The following ADCY10 variants were observed in gnomAD, a reference collection of about 807,000 sequenced individuals.
ADCY10 encodes adenylate cyclase type 10.
ADCY10 carries 156 observed loss-of-function variants against 183.3 expected under a neutral mutation model. The observed-to-expected ratio is 0.85, with a 90% CI of 0.75 to 0.97. The LOEUF (loss-of-function observed/expected upper bound fraction) is 0.97, where lower values mean the gene tolerates loss of function less well. ADCY10 is among the 50% of genes least tolerant of loss of function. ADCY10 has a pLI of 0.00. For synonymous variants in ADCY10, 645 were observed against 670.0 expected, an observed-to-expected ratio of 0.96 and a Z score of 0.58; for missense variants, 1,745 against 1,934.3, an observed-to-expected ratio of 0.90 and a Z score of 1.84.
In ADCY10 at chr1:167,823,078, A is replaced by C; in HGVS notation, c.4098T>G (p.Ser1366=). ...TGCTGAAGATGTGTTCCTGTGTTAC[A>C]GAAAGCTCCCACAGCCGCCCCAGCA... ...IQVLGRLWEL[S]VTQEHIFSKA... is the part of the protein sequence containing the mutation. The change falls in exon 29 of 33, where the codon TCT becomes TCG. Residue 1366 remains serine (S), a synonymous_variant. Coordinates refer to ENST00000367851, the MANE Select transcript of ADCY10 (RefSeq NM_018417.6). 6.2e-7 allele frequency: 1 copy of C among 1,614,222 alleles called. No homozygotes were observed. The highest frequency in any genetic ancestry group is 8.5e-7 in the Non-Finnish European group (1 of 1,180,050).
chr1:167,848,561 T>G, intron 18 of ADCY10, 72 bp from the exon 19 acceptor site: 1 of 1,562,068 alleles, frequency 6.4e-7, no homozygotes, highest in Non-Finnish European at 8.8e-7. Flanking sequence ...TCCAATGAAC[T>G]TTGAGATGGA....
rs199553071 is a variant in ADCY10 at position 167,856,324 on chromosome 1, G to A, written c.2012C>T (p.Ser671Phe). ...GGGAATGTTAACGAAGGGACACAGG[G>A]ACATAATGATGAAGATAGGAAGAGT... The part of the protein sequence containing the change: ...IRTLPIFIIM[S>F]LCPFVNIPCA... Residue 671 changes from serine (S) to phenylalanine (F), a missense_variant, in exon 17 of 33, where the codon TCC becomes TTC. Coordinates refer to ENST00000367851, the MANE Select transcript of ADCY10 (RefSeq NM_018417.6). 1.2e-6 allele frequency: 2 copies of A among 1,614,136 alleles called. No individual in the cohort carries two copies. The highest frequency in any genetic ancestry group is 2.2e-5 in the East Asian group (1 of 44,884).
At chr1:167,866,244 G>C (rs1490624888) in intron 14 of ADCY10, among the ~76,000 whole-genome samples, 4 of 152,172 alleles carry the variant, frequency 2.6e-5, no homozygotes, top group Non-Finnish European at 5.9e-5. Context: ...GGAAAAATAA[G>C]ACATCGTAAA....
intron 30 of ADCY10, 93 bp from the exon 31 acceptor site, chr1:167,818,360 T>C (rs1288734129): frequency 1.1e-5 from 13 of 1,148,054 alleles, no homozygotes; most frequent in Non-Finnish European, 1.6e-5. Flanking sequence ...CAGCTTCCTT[T>C]ACCTGGGTCT....
chr1:167,847,190 G>C (rs556961299), intron 19 of ADCY10, among the ~76,000 whole-genome samples: 1 of 151,860 alleles, frequency 6.6e-6, no homozygotes, highest in African/African-American at 2.4e-5. Flanking sequence ...GCCTCCCAAA[G>C]TGCTGGGATT....
intron 1 of ADCY10, among the ~76,000 whole-genome samples, chr1:167,905,564 T>A: frequency 6.6e-6 from 1 of 151,604 alleles, no homozygotes. Context: ...CCTTTTACCC[T>A]CTCTCTACCT....
Position 167,824,873 on chromosome 1 carries a change from A to G in ADCY10, c.3751-18T>C, listed in dbSNP as rs759705138. 6.2e-7 allele frequency: 1 copy of G among 1,609,626 alleles called. No homozygotes were observed. Among genetic ancestry groups the G allele is most frequent in the Admixed American group, 1.7e-5 (1 of 60,020 alleles). On this transcript the variant is annotated intron_variant, in intron 26 of 32. Coordinates refer to ENST00000367851, the MANE Select transcript of ADCY10 (RefSeq NM_018417.6). ...TTAATGATCTGAAATGGCAGAGTGG[A>G]GGAAGAGTGAGGCAGAACGCAAAGC...
chr1:167,821,379 C>T (rs1662900205), intron 30 of ADCY10, among the ~76,000 whole-genome samples: 1 of 152,214 alleles, frequency 6.6e-6, no homozygotes, highest in South Asian at 2.1e-4. Context: ...TTTACTTGCC[C>T]TTTCAATGAT....
At chr1:167,842,899 G>A (rs1231970745) in intron 21 of ADCY10, among the ~76,000 whole-genome samples, 1 of 152,132 alleles carries the variant, frequency 6.6e-6, no homozygotes, top group Admixed American at 6.5e-5. Context: ...AGAAAGAACA[G>A]CTAAATTAAA....
chr1:167,891,161 C>T (rs1281182539), intron 8 of ADCY10, among the ~76,000 whole-genome samples: 1 of 151,854 alleles, frequency 6.6e-6, no homozygotes, highest in Non-Finnish European at 1.5e-5. Flanking sequence ...AAGGTTTCAC[C>T]ATGTTGGTCA....
intron 1 of ADCY10, among the ~76,000 whole-genome samples, chr1:167,907,739 G>A (rs1018545008): frequency 1.3e-4 from 20 of 152,204 alleles, no homozygotes; most frequent in Admixed American, 1.0e-3. Context: ...TATTTTGGAA[G>A]AGTTATTAAA....
intron 7 of ADCY10, among the ~76,000 whole-genome samples, chr1:167,895,616 A>G (rs1436301190): frequency 6.6e-6 from 1 of 152,162 alleles, no homozygotes; most frequent in Non-Finnish European, 1.5e-5. Context: ...TAGGTAGGGT[A>G]TTTTGTTTGT....
chr1:167,904,764 G>C lies in ADCY10; in HGVS notation c.148+229C>G, dbSNP rs7545974. The stretch of plus-strand genomic sequence containing the variant: ...GATACTGGAGCAAAGAATGGGACTT[G>C]AGCATGTTAAAGATATGCCTATGAC... On this transcript the variant is annotated intron_variant, in intron 2 of 32. Coordinates refer to ENST00000367851, the MANE Select transcript of ADCY10 (RefSeq NM_018417.6). 0.08 allele frequency: 50,078 copies of C among 627,528 alleles called. 2,546 individuals are homozygous for C. The highest frequency in any genetic ancestry group is 0.18 in the African/African-American group (9,703 of 54,636). 38.9% of individuals were successfully genotyped at this position (627,528 alleles called of 1,614,324 possible). A position where few individuals can be genotyped will look rare whatever the true frequency, so the allele number is the denominator to read the frequency against.
rs1664975869 is a variant in ADCY10, at chr1:167,845,836, G to T, written c.2734C>A (p.Gln912Lys). The T allele has an allele frequency of 1.2e-6, 2 of 1,613,990 alleles. No individual in the cohort carries two copies. The highest frequency in any genetic ancestry group is 1.7e-6 in the Non-Finnish European group (2 of 1,180,048). Residue 912 changes from glutamine to lysine, a missense_variant, in exon 21 of 33, where the codon CAG becomes AAG. Gln to Lys is a moderately conservative substitution (Grantham distance 53). Coordinates refer to ENST00000367851, the MANE Select transcript of ADCY10 (RefSeq NM_018417.6). ...ACCTCATTCTCCAGTTCACGAAGCTGTTCCTCTTCACCGTGATCTGGAGAG... is the reference window on the plus strand; with the variant it reads ...ACCTCATTCTCCAGTTCACGAAGCTTTTCCTCTTCACCGTGATCTGGAGAG... ...SEGMDHGEEE[Q>K]LRELENEVIE...
intron 8 of ADCY10, among the ~76,000 whole-genome samples, chr1:167,890,893 C>G (rs1169850278): frequency 6.6e-6 from 1 of 152,168 alleles, no homozygotes; most frequent in East Asian, 1.9e-4. Context: ...TTCCCAAGGT[C>G]ACATAAGGAC....
At chr1:167,912,672 T>C (rs543959283) in intron 1 of ADCY10, among the ~76,000 whole-genome samples, 1 of 152,338 alleles carries the variant, frequency 6.6e-6, no homozygotes, top group African/African-American at 2.4e-5. Context: ...GCTTCTTCCC[T>C]CTTTCCTCTT....
chr1:167,908,047 A>C (rs1669927794), intron 1 of ADCY10, among the ~76,000 whole-genome samples: 2 of 152,200 alleles, frequency 1.3e-5, no homozygotes, highest in Admixed American at 1.3e-4. Context: ...ATGATCTAAC[A>C]ATCCCACATC....
At chr1:167,847,392 G>T (rs1194335052) in intron 19 of ADCY10, among the ~76,000 whole-genome samples, 1 of 149,988 alleles carries the variant, frequency 6.7e-6, no homozygotes, top group Non-Finnish European at 1.5e-5. Context: ...TTCTTTAAAA[G>T]AATAATAATA....
chr1:167,884,029 C>T (rs1189036141), intron 8 of ADCY10, among the ~76,000 whole-genome samples: 1 of 152,174 alleles, frequency 6.6e-6, no homozygotes, highest in African/African-American at 2.4e-5. Context: ...TTGATACAGG[C>T]ATGCAATGCG....
Sources: gnomAD v4.1 joint callset for allele counts (sites outside exome capture counted in the v4.1 genomes callset) on GRCh38, gnomAD v4.1.1 for gene constraint, MANE v1.5 for transcripts, NCBI Gene and HGNC (gene_info 2026-07-23, HGNC 2026-07-21) for gene names.